The following RPS6KA2 variants were observed in gnomAD, a reference collection of about 807,000 sequenced individuals.
RPS6KA2 encodes ribosomal protein S6 kinase alpha-2.
A neutral mutation model predicts 91.8 loss-of-function variants in RPS6KA2; 42 were observed. The observed-to-expected ratio is 0.46, with a 90% CI of 0.36 to 0.59. The LOEUF (loss-of-function observed/expected upper bound fraction) is 0.59. Ranked by LOEUF, RPS6KA2 falls within the 20% of genes least tolerant of loss-of-function variation. The probability of loss-of-function intolerance (pLI) is 0.00; values close to 1 mark genes in which losing one functional copy is unlikely to be tolerated. For missense variants in RPS6KA2, 798 were observed against 978.5 expected (o/e 0.82, Z 2.46); for synonymous variants, 414 against 393.6 (o/e 1.05, Z -0.61).
At chr6:166,611,335 G>GC (rs1193606108) in intron 1 of RPS6KA2, among the ~76,000 whole-genome samples, 1 of 152,068 alleles carries the variant, frequency 6.6e-6, no homozygotes, top group Non-Finnish European at 1.5e-5. Context: ...CCAGATTCAT[G>GC]CCCCTCTGCT....
At chr6:166,762,444 C>T (rs947955043) in intron 2 of RPS6KA2, among the ~76,000 whole-genome samples, 5 of 152,136 alleles carry the variant, frequency 3.3e-5, no homozygotes, top group African/African-American at 9.7e-5. Context: ...GTTCAAATTC[C>T]CCCACGGCAC....
intron 3 of RPS6KA2, among the ~76,000 whole-genome samples, chr6:166,510,601 A>ATATG (rs1242769018): frequency 1.4e-5 from 1 of 70,690 alleles, no homozygotes; most frequent in Non-Finnish European, 3.0e-5. Context: ...ATATATATAT[A>ATATG]TATATATATG....
chr6:166,812,018 G>T (rs1779649447), intron 2 of RPS6KA2, among the ~76,000 whole-genome samples: 3 of 152,148 alleles, frequency 2.0e-5, no homozygotes, highest in Admixed American at 6.5e-5. Context: ...GGAACTTCTT[G>T]TGAAACCTGG....
At chr6:166,509,906 C>G (rs1260773106) in intron 4 of RPS6KA2, among the ~76,000 whole-genome samples, 2 of 152,176 alleles carry the variant, frequency 1.3e-5, no homozygotes, top group Non-Finnish European at 2.9e-5. Flanking sequence ...GTTACCATTT[C>G]TGGTTTAAAG....
At chr6:166,474,392 G>A (rs962687625) in intron 10 of RPS6KA2, among the ~76,000 whole-genome samples, 5 of 152,222 alleles carry the variant, frequency 3.3e-5, no homozygotes, top group Non-Finnish European at 5.9e-5. Context: ...GGTGATGGGC[G>A]TTGATTTGCT....
chr6:166,416,199 AAC>A (rs1562478716), intron 19 of RPS6KA2, among the ~76,000 whole-genome samples: 8,635 of 150,098 alleles, frequency 0.058, 11 homozygotes, highest in Middle Eastern at 0.088. Flanking sequence ...TTTCTCCATC[AAC>A]CCTACCATCA....
At chr6:166,582,903 G>A (rs1228409925) in intron 1 of RPS6KA2, among the ~76,000 whole-genome samples, 1 of 152,158 alleles carries the variant, frequency 6.6e-6, no homozygotes, top group African/African-American at 2.4e-5. Context: ...AATATTTTTG[G>A]TAACTTGATG....
At chr6:166,745,232 A>G (rs1456536534) in intron 2 of RPS6KA2, among the ~76,000 whole-genome samples, 1 of 149,070 alleles carries the variant, frequency 6.7e-6, no homozygotes, top group Non-Finnish European at 1.5e-5. Flanking sequence ...GCTCACTGCA[A>G]CCTCTGCCTC....
At chr6:166,610,226 C>T (rs899320314) in intron 1 of RPS6KA2, among the ~76,000 whole-genome samples, 7 of 152,318 alleles carry the variant, frequency 4.6e-5, no homozygotes, top group African/African-American at 9.6e-5. Context: ...AATAGCAAGT[C>T]GTAAATGATT....
At chr6:166,474,257 A>G (rs1420836422) in intron 10 of RPS6KA2, among the ~76,000 whole-genome samples, 2 of 152,238 alleles carry the variant, frequency 1.3e-5, no homozygotes, top group Non-Finnish European at 2.9e-5. Flanking sequence ...GTTTGAAGTC[A>G]TTAAAAACAC....
In RPS6KA2 at chr6:166,751,958, G is replaced by A. The variant is rs186612017; in HGVS notation, c.123+106242C>T. Among the ~76,000 whole-genome samples, 158 of 152,186 alleles carry A rather than the reference G, an allele frequency of 1.0e-3. 1 individual carries two copies. The highest frequency in any genetic ancestry group is 2.9e-3 in the African/African-American group (121 of 41,520). On this transcript the variant is annotated intron_variant, in intron 2 of 21. Transcript: ENST00000503859. ...CCATGGAGCACAGAGGCCAGACTCC[G>A]TGGAGCACAGAAGCCAGACTCCTTG...
chr6:166,829,588 TCAAAAAAAA>T (rs1562460941), intron 2 of RPS6KA2, among the ~76,000 whole-genome samples: 1 of 20,034 alleles, frequency 5.0e-5, no homozygotes, highest in Admixed American at 5.9e-4. Context: ...AGACTCTGTC[TCAAAAAAAA>T]AAAAAAAAAA....
chr6:166,579,989 T>A (rs551850741), intron 1 of RPS6KA2, among the ~76,000 whole-genome samples: 1 of 152,370 alleles, frequency 6.6e-6, no homozygotes, highest in East Asian at 1.9e-4. Context: ...ACCTTTAGAA[T>A]CACGGCACTT....
intron 1 of RPS6KA2, among the ~76,000 whole-genome samples, chr6:166,617,101 A>G (rs542054584): frequency 6.6e-6 from 1 of 152,346 alleles, no homozygotes; most frequent in South Asian, 2.1e-4. Flanking sequence ...TGCAGAGGGA[A>G]GTCATTCATC....
rs1236744424 is a variant in RPS6KA2, at chr6:166,733,256, G to A, written c.123+124944C>T. 3.9e-5 allele frequency among the ~76,000 whole-genome samples: 6 copies of A among 152,172 alleles called. No individual in the cohort carries two copies. Among genetic ancestry groups the A allele is most frequent in the Admixed American group, 6.5e-5 (1 of 15,280 alleles). On this transcript the variant is annotated intron_variant, in intron 2 of 21. Transcript: ENST00000503859. The surrounding 1 kb of genome is among the most constrained non-coding windows in gnomAD (Gnocchi z 4.1). ...CTTAGGCTGCAAGAGTCCTGTGGAC[G>A]GCACTGTTCCCAAAGTCACAGACCC...
chr6:166,673,018 G>A (rs1294345168), intron 2 of RPS6KA2, among the ~76,000 whole-genome samples: 2 of 152,086 alleles, frequency 1.3e-5, no homozygotes, highest in South Asian at 2.1e-4. Context: ...GTGGGCCCCC[G>A]AGCCCTCTCC....
intron 1 of RPS6KA2, among the ~76,000 whole-genome samples, chr6:166,592,047 C>T (rs2128521685): frequency 6.6e-6 from 1 of 152,304 alleles, no homozygotes; most frequent in Admixed American, 6.5e-5. Context: ...TAATCACCAG[C>T]CAGGGCGCAG....
intron 3 of RPS6KA2, among the ~76,000 whole-genome samples, chr6:166,519,862 T>C (rs1298486091): frequency 6.6e-6 from 1 of 152,182 alleles, no homozygotes; most frequent in African/African-American, 2.4e-5. Flanking sequence ...ATGTAGTATA[T>C]TGTGGTGGTT....
intron 1 of RPS6KA2, among the ~76,000 whole-genome samples, chr6:166,588,753 C>G (rs1480595956): frequency 6.6e-6 from 1 of 152,154 alleles, no homozygotes; most frequent in Non-Finnish European, 1.5e-5. Flanking sequence ...ACACAGGGTT[C>G]CCGGAAGCTC....
Sources: allele counts gnomAD v4.1 joint callset (sites outside exome capture counted in the v4.1 genomes callset), GRCh38; gene constraint gnomAD v4.1.1; non-coding constraint Gnocchi (gnomAD v3.1); transcripts MANE v1.5; gene names NCBI Gene and HGNC (gene_info 2026-07-23, HGNC 2026-07-21).